CACNA2D1: variants seen among roughly 807,000 people sequenced by gnomAD.
The protein encoded by CACNA2D1 is voltage-dependent calcium channel subunit alpha-2/delta-1.
A neutral mutation model predicts 171.5 loss-of-function variants in CACNA2D1; 53 were observed. That is an observed-to-expected ratio of 0.31 (90% confidence interval 0.25 to 0.39). The LOEUF is 0.39. Among genes scored for constraint, CACNA2D1 ranks in the 10% least tolerant of loss-of-function variants. The pLI, the probability that CACNA2D1 is intolerant of heterozygous loss-of-function variation, is 1.00. For missense variants in CACNA2D1, 903 were observed against 1,299.8 expected (o/e 0.69, Z 4.69); for synonymous variants, 442 against 443.1 (o/e 1.00, Z 0.03).
intron 18 of CACNA2D1, among the ~76,000 whole-genome samples, chr7:82,000,531 C>T (rs1412530942): frequency 1.3e-5 from 2 of 152,050 alleles, no homozygotes; most frequent in East Asian, 3.9e-4. Flanking sequence ...CTCAATTCTA[C>T]TAATTCACAG....
chr7:82,038,037 T>C, intron 11 of CACNA2D1, 40 bp downstream of exon 11: 1 of 1,598,506 alleles, frequency 6.3e-7, no homozygotes, highest in East Asian at 2.2e-5. Flanking sequence ...ATACTACAAT[T>C]GAACAACAAC....
chr7:81,955,157 T>C (rs1358353106), intron 38 of CACNA2D1, among the ~76,000 whole-genome samples: 1 of 152,160 alleles, frequency 6.6e-6, no homozygotes, highest in Admixed American at 6.6e-5. Context: ...TCTGATGAAG[T>C]CCTCATGGTA....
chr7:82,110,432 A>C (rs1788237279), intron 6 of CACNA2D1, among the ~76,000 whole-genome samples: 1 of 152,166 alleles, frequency 6.6e-6, no homozygotes, highest in Non-Finnish European at 1.5e-5. Context: ...CTTACTGGGC[A>C]CCAACCTGCA....
chr7:82,115,942 A>G (rs1433857429), intron 6 of CACNA2D1, among the ~76,000 whole-genome samples: 1 of 152,172 alleles, frequency 6.6e-6, no homozygotes, highest in Non-Finnish European at 1.5e-5. Context: ...CATTTTACAG[A>G]TGAGAAAATG....
intron 10 of CACNA2D1, among the ~76,000 whole-genome samples, chr7:82,059,243 T>A (rs374106257): frequency 1.3e-5 from 2 of 152,144 alleles, no homozygotes; most frequent in East Asian, 1.9e-4. Context: ...AAAATGGCCA[T>A]GAAATATTTT....
chr7:82,216,851 A>G (rs1381973720), intron 3 of CACNA2D1, among the ~76,000 whole-genome samples: 1 of 150,096 alleles, frequency 6.7e-6, no homozygotes, highest in Non-Finnish European at 1.5e-5. Flanking sequence ...ATAGCTATAC[A>G]TTCTAAACTT....
intron 2 of CACNA2D1, 57 bp from the exon 3 acceptor site, chr7:82,335,308 G>A (rs755738972): frequency 1.0e-6 from 1 of 966,398 alleles, no homozygotes; most frequent in South Asian, 1.3e-5. Context: ...TGGCTTACAA[G>A]TTCCCATTGG....
At chr7:82,036,513 CCA>C (rs761219594) in intron 11 of CACNA2D1, among the ~76,000 whole-genome samples, 1 of 152,138 alleles carries the variant, frequency 6.6e-6, no homozygotes, top group Non-Finnish European at 1.5e-5. Context: ...CACGGAAATG[CCA>C]CACTTTTCCT....
At chr7:82,094,465 T>C (rs1028261917) in intron 6 of CACNA2D1, among the ~76,000 whole-genome samples, 4 of 152,156 alleles carry the variant, frequency 2.6e-5, no homozygotes, top group African/African-American at 9.7e-5. Context: ...GACATCTGTA[T>C]ACAAAAAAAT....
chr7:82,140,657 A>T (rs67512129), intron 4 of CACNA2D1, among the ~76,000 whole-genome samples: 39,793 of 151,500 alleles, frequency 0.26, 5,851 homozygotes, highest in East Asian at 0.36. Context: ...ATTTTCTTAT[A>T]AAAAAAAATT....
intron 18 of CACNA2D1, among the ~76,000 whole-genome samples, chr7:81,998,584 T>A (rs1798283917): frequency 6.6e-6 from 1 of 152,032 alleles, no homozygotes; most frequent in South Asian, 2.1e-4. Context: ...ATTCCTATGG[T>A]TTTTGATAAA....
intron 3 of CACNA2D1, among the ~76,000 whole-genome samples, chr7:82,331,029 A>C (rs1169228554): frequency 1.3e-5 from 2 of 152,154 alleles, no homozygotes; most frequent in African/African-American, 4.8e-5. Context: ...TCTGCATTTT[A>C]ACAAGAGCCA....
chr7:82,001,808 G>A, intron 18 of CACNA2D1: 2 of 358,464 alleles, frequency 5.6e-6, no homozygotes, highest in South Asian at 5.3e-5. Context: ...ATATTTCCTT[G>A]ATTGCAAAAA....
intron 10 of CACNA2D1, among the ~76,000 whole-genome samples, chr7:82,049,059 T>TAAGAAGG (rs1448917512): frequency 6.6e-6 from 1 of 151,454 alleles, no homozygotes; most frequent in Non-Finnish European, 1.5e-5. Context: ...CTTATTGTAC[T>TAAGAAGG]TGTCAACACC....
intron 3 of CACNA2D1, among the ~76,000 whole-genome samples, chr7:82,174,113 A>T (rs1434452682): frequency 6.6e-6 from 1 of 151,084 alleles, no homozygotes; most frequent in Non-Finnish European, 1.5e-5. Context: ...TCAACAGAAC[A>T]TCCCTGTTTC....
At chr7:82,441,092 C>T (rs1830472553) in intron 1 of CACNA2D1, among the ~76,000 whole-genome samples, 1 of 151,908 alleles carries the variant, frequency 6.6e-6, no homozygotes, top group Admixed American at 6.6e-5. Flanking sequence ...GAAATTTTCC[C>T]CCAAAGATTT....
chr7:82,326,610 T>TTTACTTTG (rs1264421365), intron 3 of CACNA2D1, among the ~76,000 whole-genome samples: 4 of 147,190 alleles, frequency 2.7e-5, no homozygotes, highest in Admixed American at 6.8e-5. Context: ...CTAGTAAAAC[T>TTTACTTTG]CCGAAAACTT....
intron 32 of CACNA2D1, among the ~76,000 whole-genome samples, 178 bp from the exon 33 acceptor site, chr7:81,964,537 G>C (rs543950666): frequency 6.6e-6 from 1 of 152,032 alleles, no homozygotes; most frequent in African/African-American, 2.4e-5. Flanking sequence ...ACTAAAATGA[G>C]AGTAAGTGTT....
intron 3 of CACNA2D1, among the ~76,000 whole-genome samples, chr7:82,173,983 C>T (rs970039179): frequency 7.8e-6 from 1 of 128,364 alleles, no homozygotes; most frequent in Non-Finnish European, 1.5e-5. Flanking sequence ...TTCAAAGTTA[C>T]AGTGATCTAT....
Sources: allele counts gnomAD v4.1 joint callset (sites outside exome capture counted in the v4.1 genomes callset), GRCh38; gene constraint gnomAD v4.1.1; transcripts MANE v1.5; gene names NCBI Gene and HGNC (gene_info 2026-07-23, HGNC 2026-07-21).